LIMCH1: variants seen among roughly 807,000 people sequenced by gnomAD.
LIMCH1 encodes the protein LIM and calponin homology domains-containing protein 1.
A neutral mutation model predicts 176.5 loss-of-function variants in LIMCH1; 113 were observed. That is an observed-to-expected ratio of 0.64 (90% CI 0.55 to 0.75). The LOEUF (loss-of-function observed/expected upper bound fraction) is 0.75, where lower values mean the gene tolerates loss of function less well. Ranked by LOEUF, LIMCH1 falls within the 30% of genes least tolerant of loss-of-function variation. The probability of loss-of-function intolerance (pLI) is 0.00; values close to 1 mark genes in which losing one functional copy is unlikely to be tolerated. For synonymous variants in LIMCH1, 619 were observed against 645.9 expected (o/e 0.96, Z 0.63); for missense variants, 1,674 against 1,814.9 (o/e 0.92, Z 1.41).
At chr4:41,418,544 A>AGCAGGCTGCCGCTCCT (rs2060141000) in intron 1 of LIMCH1, among the ~76,000 whole-genome samples, 1 of 139,760 alleles carries the variant, frequency 7.2e-6, no homozygotes, top group Non-Finnish European at 1.5e-5. Flanking sequence ...TGCCGAGAGA[A>AGCAGGCTGCCGCTCCT]GCAGGCTGCC....
intron 1 of LIMCH1, among the ~76,000 whole-genome samples, chr4:41,560,751 G>T (rs2081963379): frequency 6.6e-6 from 1 of 151,822 alleles, no homozygotes; most frequent in Admixed American, 6.6e-5. Flanking sequence ...AGGCATGGTG[G>T]CATGTTCCTG....
At chr4:41,474,294 C>A (rs1296817818) in intron 1 of LIMCH1, among the ~76,000 whole-genome samples, 1 of 152,192 alleles carries the variant, frequency 6.6e-6, no homozygotes, top group East Asian at 1.9e-4. Context: ...CAAGACCAGC[C>A]TGGCCAATGT....
At chr4:41,591,362 C>T (rs1189589084) in intron 1 of LIMCH1, among the ~76,000 whole-genome samples, 2 of 152,140 alleles carry the variant, frequency 1.3e-5, no homozygotes, top group Non-Finnish European at 2.9e-5. Flanking sequence ...CCACCCCAGC[C>T]TCCTGAGTAG....
At chr4:41,396,230 A>G (rs1289445121) in intron 1 of LIMCH1, among the ~76,000 whole-genome samples, 2 of 152,106 alleles carry the variant, frequency 1.3e-5, no homozygotes, top group Non-Finnish European at 2.9e-5. Context: ...AACCTCCTTC[A>G]TTTTCCTATA....
chr4:41,593,969 A>G (rs1225873848), intron 1 of LIMCH1, among the ~76,000 whole-genome samples: 1 of 149,302 alleles, frequency 6.7e-6, no homozygotes, highest in Non-Finnish European at 1.5e-5. Flanking sequence ...GTGAACATAT[A>G]TATACATGCA....
At chr4:41,638,280 GA>G (rs112950936) in intron 13 of LIMCH1, among the ~76,000 whole-genome samples, 3,522 of 152,144 alleles carry the variant, frequency 0.023, 34 homozygotes, top group African/African-American at 0.03. Context: ...TAAAAGATTA[GA>G]AAAAAACTTT....
At chr4:41,610,736 G>A (rs1284832799) in intron 4 of LIMCH1, among the ~76,000 whole-genome samples, 2 of 152,156 alleles carry the variant, frequency 1.3e-5, no homozygotes, top group African/African-American at 4.8e-5. Context: ...CTGGCAAGGG[G>A]TGGAGCCAAT....
chr4:41,499,727 A>T (rs897820715), intron 2 of LIMCH1, among the ~76,000 whole-genome samples: 7 of 152,202 alleles, frequency 4.6e-5, no homozygotes, highest in Non-Finnish European at 8.8e-5. Flanking sequence ...CTGAGGCAGG[A>T]GAATCTCTTG....
At chr4:41,533,606 C>A (rs2077561688), upstream of LIMCH1, among the ~76,000 whole-genome samples, 1 of 152,186 alleles carries the variant, frequency 6.6e-6, no homozygotes, top group Non-Finnish European at 1.5e-5. Context: ...AAGTAAAAAT[C>A]CACTTCAAGA....
chr4:41,523,153 C>A (rs1049886480), intron 2 of LIMCH1, among the ~76,000 whole-genome samples: 2 of 152,110 alleles, frequency 1.3e-5, no homozygotes, highest in South Asian at 4.1e-4. Flanking sequence ...ACTATTAAAC[C>A]ATTTGAAAAA....
rs1445571509 is a variant in LIMCH1 at position 41,538,160 on chromosome 4, A to ATT, written c.-429_-428dup. ...TCCAGTTCCCTTTCACTGCATCAGC[A>ATT]TTTCAGCCGCAGCAGCCTGCTTGTG... is the stretch of plus-strand genomic sequence containing the variant. On this transcript the variant is annotated 5_prime_UTR_variant, in exon 1 of 32. Coordinates refer to ENST00000503057, the MANE Select transcript of LIMCH1 (RefSeq NM_001330672.2). 3.0e-6 allele frequency: 3 copies of ATT among 985,422 alleles called. No individual in the cohort carries two copies. Among genetic ancestry groups the ATT allele is most frequent in the Non-Finnish European group, 3.6e-6 (3 of 830,000 alleles). 61.0% of individuals were successfully genotyped at this position (985,422 alleles called of 1,614,324 possible). A position where few individuals can be genotyped will look rare whatever the true frequency, so the allele number is the denominator to read the frequency against.
Position 41,626,942 on chromosome 4 carries a change from A to G in LIMCH1, c.960A>G (p.Ala320=), listed in dbSNP as rs1194155455. Residue 320 remains alanine (A), a synonymous_variant, in exon 8 of 32, where the codon GCA becomes GCG. Transcript: ENST00000503057. ...LLYGPYPKKG[A]EKSDGSKQLS... is the part of the protein sequence containing the mutation. The stretch of plus-strand genomic sequence containing the variant: ...ATGGCCCTTATCCAAAGAAAGGGGC[A>G]GAGAAATCAGATGGCAGCAAACAGC... 2 of 1,536,236 alleles carry G rather than the reference A, an allele frequency of 1.3e-6. No homozygotes were observed. The highest frequency in any genetic ancestry group is 1.7e-6 in the Non-Finnish European group (2 of 1,146,926).
In LIMCH1 at chr4:41,646,506, G is replaced by T. The variant is rs1282201963; in HGVS notation, c.2433G>T (p.Leu811=). ...TTAGAGAGCGGAGAGAGAGAGAGCT[G>T]CATGAAGCATATAAGAACGCTCGGT... ...VQEKERRERE[L]HEAYKNARSQ... Residue 811 remains leucine (L), a synonymous_variant, in exon 17 of 32, where the codon CTG becomes CTT. Coordinates refer to ENST00000503057, the MANE Select transcript of LIMCH1 (RefSeq NM_001330672.2). The T allele has an allele frequency of 2.5e-6, 4 of 1,613,830 alleles. No homozygotes were observed. In the East Asian group the frequency reaches 8.9e-5, roughly 36 times the overall value.
intron 1 of LIMCH1, among the ~76,000 whole-genome samples, chr4:41,394,325 AC>A (rs1183511367): frequency 6.6e-6 from 1 of 152,118 alleles, no homozygotes; most frequent in African/African-American, 2.4e-5. Flanking sequence ...TTACACTTAA[AC>A]CCTTCCAATG....
rs939409949 is a variant in LIMCH1, at chr4:41,642,936, T to C, written c.2127-1564T>C. On this transcript the variant is annotated intron_variant, in intron 14 of 31. Coordinates refer to ENST00000503057, the MANE Select transcript of LIMCH1 (RefSeq NM_001330672.2). ...AAATCAACATTCTCCACTGAATACA[T>C]GGAGGCAGCATTATGCAATGGCTTG... 1.2e-4 allele frequency among the ~76,000 whole-genome samples: 18 copies of C among 152,288 alleles called. No individual in the cohort carries two copies. In the East Asian group the frequency reaches 2.5e-3, roughly 21 times the overall value.
chr4:41,468,388 C>CCCTT (rs2066476075), intron 1 of LIMCH1, among the ~76,000 whole-genome samples: 2 of 128,246 alleles, frequency 1.6e-5, no homozygotes, highest in African/African-American at 2.9e-5. Flanking sequence ...CTCCCTCCCT[C>CCCTT]CCTCCCTTCC....
chr4:41,366,280 TTTTGTA>T (rs915887118), intron 1 of LIMCH1, among the ~76,000 whole-genome samples: 5 of 152,178 alleles, frequency 3.3e-5, no homozygotes, highest in African/African-American at 1.2e-4. Context: ...GCAAAATACA[TTTTGTA>T]TTTTGTATTT....
Position 41,644,486 on chromosome 4 carries a change from C to G in LIMCH1, c.2127-14C>G. 1.1e-5 allele frequency: 17 copies of G among 1,524,894 alleles called. No individual in the cohort carries two copies. The highest frequency in any genetic ancestry group is 1.5e-5 in the Non-Finnish European group (17 of 1,132,638). The allele number at this position is 1,524,894 out of a possible 1,614,324, so 94.5% of individuals were successfully genotyped here. ...GATCGCGGTCCCTCTTGTGTTCGCT[C>G]TCTCCACACTCAGGAGCACCAGCAT... On this transcript the variant is annotated splice_polypyrimidine_tract_variant and intron_variant, in intron 14 of 31. Transcript: ENST00000503057.
chr4:41,648,853 G>A (rs1330171242), intron 17 of LIMCH1, among the ~76,000 whole-genome samples: 1 of 151,562 alleles, frequency 6.6e-6, no homozygotes, highest in Non-Finnish European at 1.5e-5. Context: ...CAGTTTAGTG[G>A]TTTGAAGCCA....
Sources: gnomAD v4.1 joint callset for allele counts (sites outside exome capture counted in the v4.1 genomes callset) on GRCh38, gnomAD v4.1.1 for gene constraint, MANE v1.5 for transcripts, NCBI Gene and HGNC (gene_info 2026-07-23, HGNC 2026-07-21) for gene names.